RBPMS: variants seen among roughly 807,000 people sequenced by gnomAD.
RBPMS encodes the protein RNA-binding protein with multiple splicing.
A neutral mutation model predicts 26.8 loss-of-function variants in RBPMS; 7 were observed. The ratio of observed to expected loss-of-function variants is 0.26; its 90% CI spans 0.15 to 0.49. RBPMS has a LOEUF of 0.49. Among genes scored for constraint, RBPMS ranks in the 20% least tolerant of loss-of-function variants. The pLI is 0.98. For missense variants in RBPMS, 186 were observed against 250.0 expected (o/e 0.74, Z 1.73); for synonymous variants, 96 against 93.3 (o/e 1.03, Z -0.17).
At chr8:30,528,527 A>G (rs976791865) in intron 5 of RBPMS, among the ~76,000 whole-genome samples, 1 of 152,186 alleles carries the variant, frequency 6.6e-6, no homozygotes, top group Non-Finnish European at 1.5e-5. Context: ...AGGTCATTAG[A>G]TAGTGCATGT....
intron 1 of RBPMS, among the ~76,000 whole-genome samples, chr8:30,440,159 A>C (rs926683783): frequency 6.6e-6 from 1 of 152,142 alleles, no homozygotes; most frequent in Non-Finnish European, 1.5e-5. Context: ...GCGGGTGTCA[A>C]ACTTGTGGCC....
chr8:30,420,235 A>G (rs889241495), intron 1 of RBPMS, among the ~76,000 whole-genome samples: 2 of 152,122 alleles, frequency 1.3e-5, no homozygotes, highest in Non-Finnish European at 2.9e-5. Flanking sequence ...TTCAAAAAAA[A>G]AAAAAGAAAG....
At chr8:30,463,356 G>A (rs1483672099) in intron 1 of RBPMS, among the ~76,000 whole-genome samples, 7 of 152,178 alleles carry the variant, frequency 4.6e-5, no homozygotes, top group East Asian at 3.8e-4. Flanking sequence ...CTGGGGCTGC[G>A]GTCATCTGAA....
At chr8:30,556,627 A>G (rs1826946154) in intron 6 of RBPMS, 1 of 986,120 alleles carries the variant, frequency 1.0e-6, no homozygotes, top group South Asian at 4.7e-5. Flanking sequence ...CCCAGTGCAC[A>G]CAGACCCATC....
chr8:30,556,445 G>A (rs998345657), intron 6 of RBPMS: 23 of 985,754 alleles, frequency 2.3e-5, no homozygotes, highest in Non-Finnish European at 2.5e-5. Context: ...CCTTCTCGCA[G>A]TCACCTGCAC....
chr8:30,391,708 T>TA (rs1272713319), intron 1 of RBPMS, among the ~76,000 whole-genome samples: 1 of 152,174 alleles, frequency 6.6e-6, no homozygotes. Context: ...TATTGCACTA[T>TA]ATTTTCTATG....
At chr8:30,482,174 T>C (rs557585665) in intron 4 of RBPMS, among the ~76,000 whole-genome samples, 1 of 152,372 alleles carries the variant, frequency 6.6e-6, no homozygotes, top group African/African-American at 2.4e-5. Context: ...CATATTAGGC[T>C]CTTTTTAGGG....
chr8:30,501,898 T>C (rs1820592492), intron 4 of RBPMS, among the ~76,000 whole-genome samples: 1 of 152,212 alleles, frequency 6.6e-6, no homozygotes, highest in Non-Finnish European at 1.5e-5. Context: ...TTTTTCTTTT[T>C]TCCCTCTTCG....
chr8:30,559,864 G>A (rs776556627), intron 7 of RBPMS, among the ~76,000 whole-genome samples: 7 of 152,196 alleles, frequency 4.6e-5, no homozygotes, highest in Non-Finnish European at 8.8e-5. Flanking sequence ...TTTCCTTGGA[G>A]ACTTCTATTG....
intron 5 of RBPMS, among the ~76,000 whole-genome samples, chr8:30,527,820 A>G (rs1009192355): frequency 1.3e-5 from 2 of 152,222 alleles, no homozygotes; most frequent in African/African-American, 4.8e-5. Context: ...ATGTTGAGAG[A>G]TTACAGTCAG....
intron 5 of RBPMS, among the ~76,000 whole-genome samples, chr8:30,542,960 C>T (rs559432117): frequency 3.2e-4 from 48 of 152,288 alleles, no homozygotes; most frequent in African/African-American, 1.1e-3. Context: ...TTCACCCTGA[C>T]TAATAATGAT....
chr8:30,534,563 T>C (rs1030563901), intron 5 of RBPMS, among the ~76,000 whole-genome samples: 6 of 151,918 alleles, frequency 3.9e-5, no homozygotes, highest in African/African-American at 1.5e-4. Flanking sequence ...GGTGGTGGAG[T>C]TGCTGAGTTC....
intron 6 of RBPMS, 95 bp from the exon 7 acceptor site, chr8:30,558,792 G>C: frequency 9.7e-7 from 1 of 1,029,816 alleles, no homozygotes; most frequent in Non-Finnish European, 1.5e-6. Context: ...TACCATCTTG[G>C]AACAGTAGGG....
chr8:30,538,394 A>C (rs1469357469), intron 5 of RBPMS, among the ~76,000 whole-genome samples: 4 of 152,070 alleles, frequency 2.6e-5, no homozygotes, highest in Non-Finnish European at 5.9e-5. Flanking sequence ...AGCTGGGACT[A>C]CAGGTGCCCA....
intron 5 of RBPMS, among the ~76,000 whole-genome samples, chr8:30,523,711 T>G (rs1823290746): frequency 6.6e-6 from 1 of 152,004 alleles, no homozygotes; most frequent in South Asian, 2.1e-4. Flanking sequence ...TGCATTATAC[T>G]TAATATAGAC....
chr8:30,568,830 C>T (rs1828071327), intron 8 of RBPMS, among the ~76,000 whole-genome samples: 1 of 152,178 alleles, frequency 6.6e-6, no homozygotes. Context: ...CTGAAATAGC[C>T]ACATTTTGAC....
rs879662997 is a variant in RBPMS, at chr8:30,386,880, A to G, written c.66+1722A>G. On this transcript the variant is annotated intron_variant, in intron 1 of 8. Transcript: ENST00000397323. ...ACTTTTTTTTTTCCTTTTGGTAGGT[A>G]GCAAAAGAGGTTCAATGTCCTAAAA... Among the ~76,000 whole-genome samples the G allele has an allele frequency of 4.6e-5, 7 of 151,954 alleles. No individual in the cohort carries two copies. In the South Asian group the frequency reaches 6.2e-4, roughly 14 times the overall value.
At chr8:30,446,643 T>A (rs1487772049) in intron 1 of RBPMS, among the ~76,000 whole-genome samples, 1 of 152,166 alleles carries the variant, frequency 6.6e-6, no homozygotes, top group Non-Finnish European at 1.5e-5. Context: ...TTTATCAGAC[T>A]TTTTTGAGAC....
intron 8 of RBPMS, among the ~76,000 whole-genome samples, chr8:30,570,240 C>A (rs545907561): frequency 3.3e-4 from 50 of 152,300 alleles, no homozygotes; most frequent in Non-Finnish European, 6.3e-4. Flanking sequence ...TCTTTCGGCA[C>A]ACAAATAAGC....
Sources: gnomAD v4.1 joint callset for allele counts (sites outside exome capture counted in the v4.1 genomes callset) on GRCh38, gnomAD v4.1.1 for gene constraint, MANE v1.5 for transcripts, NCBI Gene and HGNC (gene_info 2026-07-23, HGNC 2026-07-21) for gene names.